ENTPD4: variants seen among roughly 807,000 people sequenced by gnomAD.
ENTPD4 encodes Golgi UDPase.
Under a neutral mutation model 79.1 loss-of-function variants are expected in ENTPD4, and 60 were observed. That is an observed-to-expected ratio of 0.76 (90% confidence interval 0.62 to 0.94). The LOEUF (loss-of-function observed/expected upper bound fraction) is 0.94. Ranked by LOEUF, ENTPD4 falls within the 40% of genes least tolerant of loss-of-function variation. ENTPD4 has a pLI of 0.00. For missense variants in ENTPD4, 772 were observed against 775.1 expected (o/e 1.00, Z 0.05); for synonymous variants, 276 against 292.0 (o/e 0.95, Z 0.56).
In ENTPD4 at chr8:23,429,949, G is replaced by T. The variant is rs1800426580; in HGVS notation, c.*2977C>A. 8.1e-6 allele frequency: 8 copies of T among 985,342 alleles called. No individual in the cohort carries two copies. Among genetic ancestry groups the T allele is most frequent in the Non-Finnish European group, 9.6e-6 (8 of 829,944 alleles). 61.0% of individuals were successfully genotyped at this position (985,342 alleles called of 1,614,324 possible). ...TTAAAAGTGAGAAGCCCATGATATG[G>T]CTATGGAACATAAGCACTTATTGCT... is the stretch of plus-strand genomic sequence containing the variant. On this transcript the variant is annotated 3_prime_UTR_variant, in exon 13 of 13. Transcript: ENST00000358689.
intron 1 of ENTPD4, among the ~76,000 whole-genome samples, chr8:23,455,333 G>A (rs1369315893): frequency 6.6e-6 from 1 of 152,198 alleles, no homozygotes; most frequent in African/African-American, 2.4e-5. Context: ...CTTCAGAAAA[G>A]AATGATTTGA....
At chr8:23,436,215 T>C (rs1800557393) in intron 10 of ENTPD4, among the ~76,000 whole-genome samples, 3 of 152,200 alleles carry the variant, frequency 2.0e-5, no homozygotes, top group Admixed American at 2.0e-4. Flanking sequence ...TGCTCTGCGC[T>C]TCGAGATGGG....
chr8:23,442,116 G>A (rs1164869759), intron 6 of ENTPD4, 50 bp from the exon 7 acceptor site: 2 of 1,332,556 alleles, frequency 1.5e-6, no homozygotes, highest in Admixed American at 3.4e-5. Flanking sequence ...AAAACATTTT[G>A]TGTAACTCCT....
chr8:23,434,495 C>T lies in ENTPD4; in HGVS notation c.1461-17G>A, dbSNP rs1001851992. On this transcript the variant is annotated splice_polypyrimidine_tract_variant and intron_variant, in intron 11 of 12. Coordinates refer to ENST00000358689, the MANE Select transcript of ENTPD4 (RefSeq NM_004901.5). ...CACTGATACCTACAAACGGCAAGCA[C>T]AAAGGCAAGTCAGACTGACTCACTC... 1.2e-6 allele frequency: 2 copies of T among 1,613,504 alleles called. No homozygotes were observed. Among genetic ancestry groups the T allele is most frequent in the Admixed American group, 3.3e-5 (2 of 59,986 alleles).
intron 10 of ENTPD4, among the ~76,000 whole-genome samples, chr8:23,436,337 G>A (rs544629281): frequency 6.6e-6 from 1 of 152,338 alleles, no homozygotes; most frequent in Non-Finnish European, 1.5e-5. Flanking sequence ...AGGCTGCAGG[G>A]AAGGGGACTG....
intron 1 of ENTPD4, among the ~76,000 whole-genome samples, chr8:23,452,488 T>C (rs1022592972): frequency 4.6e-5 from 7 of 152,208 alleles, no homozygotes; most frequent in Admixed American, 2.6e-4. Context: ...CCATGTGTGG[T>C]TATTTAAAGT....
intron 1 of ENTPD4, among the ~76,000 whole-genome samples, chr8:23,456,222 G>A (rs1232945417): frequency 6.6e-6 from 1 of 152,150 alleles, no homozygotes; most frequent in Non-Finnish European, 1.5e-5. Flanking sequence ...CAGCTCCAGT[G>A]CAGCAGGTCT....
rs772391427 is a variant in ENTPD4, at chr8:23,441,711, A to G, written c.740T>C (p.Val247Ala). Residue 247 changes from valine to alanine, a missense_variant, in exon 8 of 13, where the codon GTT (valine) becomes GCT (alanine). Coordinates refer to ENST00000358689, the MANE Select transcript of ENTPD4 (RefSeq NM_004901.5). Reference sequence around the variant, plus strand: ...ACTTCCAGGAATGTTAACTTCCACAACGGCCTCATCATCTAGAAAGAACAG... The same window carrying G: ...ACTTCCAGGAATGTTAACTTCCACAGCGGCCTCATCATCTAGAAAGAACAG... ...FEHIEDDDEA[V>A]VEVNIPGSES... 3 of 1,613,878 alleles carry G rather than the reference A, an allele frequency of 1.9e-6. No homozygotes were observed. The highest frequency in any genetic ancestry group is 2.2e-5 in the East Asian group (1 of 44,892).
Position 23,432,907 on chromosome 8 carries a change from C to A in ENTPD4, c.*19G>T. The A allele has an allele frequency of 1.3e-6, 2 of 1,558,532 alleles. No homozygotes were observed. Among genetic ancestry groups the A allele is most frequent in the Middle Eastern group, 1.7e-4 (1 of 5,928 alleles). On this transcript the variant is annotated 3_prime_UTR_variant, in exon 13 of 13. Coordinates refer to ENST00000358689, the MANE Select transcript of ENTPD4 (RefSeq NM_004901.5). Reference sequence around the variant, plus strand: ...AAAATGGCTTTTCCTTTTGAGTCTTCGTGGAGCTGTGAGCTGGATCACAAG... The same window carrying A: ...AAAATGGCTTTTCCTTTTGAGTCTTAGTGGAGCTGTGAGCTGGATCACAAG...
At chr8:23,456,544 A>G (rs1800962142) in intron 1 of ENTPD4, among the ~76,000 whole-genome samples, 1 of 152,218 alleles carries the variant, frequency 6.6e-6, no homozygotes, top group Non-Finnish European at 1.5e-5. Context: ...TCAGTCACAC[A>G]TTTCCTATTA....
rs1800730331 is a variant in ENTPD4, at chr8:23,444,508, C to CT, written c.510dup (p.Glu171ArgfsTer36). ...GTGCAGAGAATGTAGAGAGGTGTCT[C>CT]TTTGTGTTTTGCCCGTGGCACATGC... On this transcript the variant is annotated frameshift_variant, in exon 5 of 13. Transcript: ENST00000358689. LOFTEE classifies it high-confidence loss of function. The CT allele has an allele frequency of 1.9e-6, 3 of 1,614,010 alleles. No homozygotes were observed. The highest frequency in any genetic ancestry group is 3.3e-5 in the Admixed American group (2 of 59,998).
In ENTPD4 at chr8:23,432,350, C is replaced by G. The variant is rs546602683; in HGVS notation, c.*576G>C. ...AGTGCATGTGTTTAAATTTAACATT[C>G]CTTAGAGAAACCCCAGAAATCTCAT... is the stretch of plus-strand genomic sequence containing the variant. On this transcript the variant is annotated 3_prime_UTR_variant, in exon 13 of 13. Transcript: ENST00000358689. The G allele has an allele frequency of 1.8e-5, 18 of 985,570 alleles. No homozygotes were observed. In the South Asian group the frequency reaches 8.0e-4, roughly 44 times the overall value. The allele number at this position is 985,570 out of a possible 1,614,324, so 61.1% of individuals were successfully genotyped here. A position where few individuals can be genotyped will look rare whatever the true frequency, so the allele number is the denominator to read the frequency against.
Position 23,431,138 on chromosome 8 carries a change from C to T in ENTPD4, c.*1788G>A. ...TGAGCCACAACTGGGACAGAATTCC[C>T]TTGGTCTTCTCTTCTGATCCCTCAG... On this transcript the variant is annotated 3_prime_UTR_variant, in exon 13 of 13. Transcript: ENST00000358689. 2 of 378,376 alleles carry T rather than the reference C, an allele frequency of 5.3e-6. No homozygotes were observed. The highest frequency in any genetic ancestry group is 7.3e-6 in the Non-Finnish European group (2 of 275,368). 23.4% of individuals were successfully genotyped at this position (378,376 alleles called of 1,614,324 possible).
At position 23,432,720 on chromosome 8, in the gene ENTPD4, G is replaced by A. The variant is rs889425339; in HGVS notation, c.*206C>T. ...TCACCGTGTTAGCCAGGATGGTCTC[G>A]ATCTCCTGACCTCATGATCCGCCCG... On this transcript the variant is annotated 3_prime_UTR_variant, in exon 13 of 13. Coordinates refer to ENST00000358689, the MANE Select transcript of ENTPD4 (RefSeq NM_004901.5). 2.5e-5 allele frequency: 29 copies of A among 1,144,390 alleles called. No individual in the cohort carries two copies. The African/African-American group carries it at 2.8e-4, about 11-fold the overall frequency. 70.9% of individuals were successfully genotyped at this position (1,144,390 alleles called of 1,614,324 possible).
Position 23,430,611 on chromosome 8 carries a change from A to C in ENTPD4, c.*2315T>G. 1.0e-6 allele frequency: 1 copy of C among 985,472 alleles called. No homozygotes were observed. Among genetic ancestry groups the C allele is most frequent in the Non-Finnish European group, 1.2e-6 (1 of 829,948 alleles). The allele number at this position is 985,472 out of a possible 1,614,324, so 61.0% of individuals were successfully genotyped here. On this transcript the variant is annotated 3_prime_UTR_variant, in exon 13 of 13. Coordinates refer to ENST00000358689, the MANE Select transcript of ENTPD4 (RefSeq NM_004901.5). ...TTTTTTCTTAGGCAACTGTTTAAAA[A>C]TGGCAAATCCACTACTACCTCTCAG...
chr8:23,435,576 C>A, intron 10 of ENTPD4, 99 bp from the exon 11 acceptor site: 3 of 810,042 alleles, frequency 3.7e-6, no homozygotes, highest in Non-Finnish European at 6.2e-6. Flanking sequence ...CAAGCATATC[C>A]TTCCCATTAG....
chr8:23,455,144 A>G (rs1217625439), intron 1 of ENTPD4, among the ~76,000 whole-genome samples: 1 of 152,230 alleles, frequency 6.6e-6, no homozygotes, highest in African/African-American at 2.4e-5. Flanking sequence ...AGTTCTACAG[A>G]TAACGACGAA....
chr8:23,446,903 G>C (rs1800772284), intron 4 of ENTPD4, among the ~76,000 whole-genome samples: 1 of 151,956 alleles, frequency 6.6e-6, no homozygotes, highest in Non-Finnish European at 1.5e-5. Context: ...TGGATTGTTT[G>C]CATTTGATAT....
intron 4 of ENTPD4, among the ~76,000 whole-genome samples, chr8:23,446,851 T>C (rs1800771607): frequency 6.6e-6 from 1 of 152,256 alleles, no homozygotes; most frequent in African/African-American, 2.4e-5. Context: ...ATAATAATTA[T>C]TATTTATCAA....
Sources: gnomAD v4.1 joint callset for allele counts (sites outside exome capture counted in the v4.1 genomes callset) on GRCh38, gnomAD v4.1.1 for gene constraint, MANE v1.5 for transcripts, NCBI Gene and HGNC (gene_info 2026-07-23, HGNC 2026-07-21) for gene names.